Variants in CYFIP2 observed in about 807,000 individuals in gnomAD.
CYFIP2 encodes cytoplasmic FMR1-interacting protein 2.
Under a neutral mutation model 158.7 loss-of-function variants are expected in CYFIP2, and 29 were observed. The observed-to-expected ratio is 0.18, with a 90% CI of 0.14 to 0.25. The LOEUF is 0.25. CYFIP2 is among the 10% of genes least tolerant of loss of function. CYFIP2 has a pLI of 1.00. For missense variants in CYFIP2, 852 were observed against 1,639.5 expected (o/e 0.52, Z 8.29); for synonymous variants, 585 against 617.6 (o/e 0.95, Z 0.78).
In CYFIP2 at chr5:157,379,668, C is replaced by CAAAAAAAAAA. The variant is rs70984468; in HGVS notation, c.3040-2906_3040-2897dup. Among the ~76,000 whole-genome samples, 75 of 73,630 alleles carry CAAAAAAAAAA rather than the reference C, an allele frequency of 1.0e-3. 3 individuals carry two copies. The highest frequency in any genetic ancestry group is 3.4e-3 in the African/African-American group (66 of 19,302). 48.3% of individuals were successfully genotyped at this position (73,630 alleles called of 152,430 possible). A position where few individuals can be genotyped will look rare whatever the true frequency, so the allele number is the denominator to read the frequency against. On this transcript the variant is annotated intron_variant, in intron 26 of 30. Transcript: ENST00000620254. Reference sequence around the variant, plus strand: ...CAGGCAAGGGAGCAAGACCCTGTCTCAAAAAAAAAAAAAAAAAAAAAAAAA... The same window carrying CAAAAAAAAAA: ...CAGGCAAGGGAGCAAGACCCTGTCTCAAAAAAAAAAAAAAAAAAAAAAAAAAAAAAAAAAA...
chr5:157,278,556 AC>A (rs1421305484), intron 1 of CYFIP2, among the ~76,000 whole-genome samples: 3 of 152,224 alleles, frequency 2.0e-5, no homozygotes, highest in East Asian at 3.8e-4. Flanking sequence ...CTTCTCCATA[AC>A]ACAGTGTCCT....
chr5:157,341,045 T>C (rs753855405), intron 22 of CYFIP2, 25 bp from the exon 23 acceptor site: 2 of 1,607,540 alleles, frequency 1.2e-6, no homozygotes, highest in Admixed American at 3.3e-5. Flanking sequence ...ATATTAACTC[T>C]TTCCCATCCC....
intron 22 of CYFIP2, among the ~76,000 whole-genome samples, chr5:157,340,478 C>T (rs573416542): frequency 6.6e-6 from 1 of 152,072 alleles, no homozygotes; most frequent in African/African-American, 2.4e-5. Flanking sequence ...TTTGTAAAGC[C>T]CATGAGCTGA....
At chr5:157,352,350 C>T (rs779523106) in intron 23 of CYFIP2, among the ~76,000 whole-genome samples, 3 of 152,184 alleles carry the variant, frequency 2.0e-5, no homozygotes, top group Non-Finnish European at 4.4e-5. Flanking sequence ...TGCTTTGCTG[C>T]AGCAAGCTGG....
Position 157,392,741 on chromosome 5 carries a change from G to A in CYFIP2, c.3595-92G>A, listed in dbSNP as rs868442262. On this transcript the variant is annotated intron_variant, in intron 30 of 30. Transcript: ENST00000620254. The stretch of plus-strand genomic sequence containing the variant: ...GAAAGTGACATGATCACTGATGCAG[G>A]GGACCCTGGACCTCAGTGACTTCTC... 19 of 1,368,986 alleles carry A rather than the reference G, an allele frequency of 1.4e-5. No individual in the cohort carries two copies. The Middle Eastern group carries it at 1.3e-3, about 94-fold the overall frequency. 84.8% of individuals were successfully genotyped at this position (1,368,986 alleles called of 1,614,324 possible).
At chr5:157,274,712 C>T (rs1334351990) in intron 1 of CYFIP2, among the ~76,000 whole-genome samples, 3 of 152,180 alleles carry the variant, frequency 2.0e-5, no homozygotes, top group Admixed American at 6.5e-5. Context: ...TCAGTTTCTC[C>T]ACATCCTTGC....
At chr5:157,386,945 A>T (rs1183704298) in intron 28 of CYFIP2, among the ~76,000 whole-genome samples, 1 of 151,688 alleles carries the variant, frequency 6.6e-6, no homozygotes, top group Non-Finnish European at 1.5e-5. Flanking sequence ...AAAAAAAAAA[A>T]AAGGATGGTG....
At chr5:157,281,735 A>G (rs1426598572) in intron 1 of CYFIP2, among the ~76,000 whole-genome samples, 1 of 152,202 alleles carries the variant, frequency 6.6e-6, no homozygotes, top group Admixed American at 6.5e-5. Flanking sequence ...AGTATGTAAA[A>G]TGTTTTGACG....
At chr5:157,382,285 C>T (rs560820699) in intron 26 of CYFIP2, among the ~76,000 whole-genome samples, 1 of 152,168 alleles carries the variant, frequency 6.6e-6, no homozygotes, top group Non-Finnish European at 1.5e-5. Context: ...TCAACAAATT[C>T]CTGATAAGAT....
At chr5:157,382,389 A>C (rs1196437747) in intron 26 of CYFIP2, among the ~76,000 whole-genome samples, 1 of 152,234 alleles carries the variant, frequency 6.6e-6, no homozygotes, top group African/African-American at 2.4e-5. Context: ...CCATTAAAAT[A>C]GGTACTGTTC....
At chr5:157,316,839 G>A (rs150793673) in intron 13 of CYFIP2, among the ~76,000 whole-genome samples, 30 of 152,150 alleles carry the variant, frequency 2.0e-4, no homozygotes, top group African/African-American at 7.2e-4. Flanking sequence ...AAATGTAAGA[G>A]ATTAGAGTCG....
At chr5:157,390,477 TC>T in intron 29 of CYFIP2, 43 bp from the exon 30 acceptor site, 2 of 584,316 alleles carry the variant, frequency 3.4e-6, no homozygotes, top group Non-Finnish European at 3.0e-6. Flanking sequence ...CCTGCCCTCC[TC>T]CCCCGACCTC....
chr5:157,363,395 T>G (rs1301500839), intron 26 of CYFIP2: 2 of 152,192 alleles, frequency 1.3e-5, no homozygotes, highest in African/African-American at 2.4e-5. Flanking sequence ...GAGACAGAGT[T>G]TTACCATTTT....
chr5:157,374,347 T>A (rs538255365), intron 26 of CYFIP2, among the ~76,000 whole-genome samples: 1 of 152,306 alleles, frequency 6.6e-6, no homozygotes, highest in South Asian at 2.1e-4. Flanking sequence ...GAATAACGTC[T>A]GCTAGAAAGT....
intron 23 of CYFIP2, chr5:157,343,122 G>A (rs752123536): frequency 3.7e-6 from 6 of 1,614,060 alleles, no homozygotes; most frequent in African/African-American, 2.7e-5. Context: ...TCATGGCAAC[G>A]GACACACCAG....
intron 28 of CYFIP2, chr5:157,384,302 A>C (rs1561788498): frequency 4.4e-6 from 2 of 456,764 alleles, no homozygotes; most frequent in Admixed American, 4.7e-5. Context: ...TCTCCTTTCA[A>C]GTTGATTTCA....
chr5:157,330,652 A>G (rs1262561821), intron 19 of CYFIP2, 90 bp from the exon 20 acceptor site: 5 of 955,686 alleles, frequency 5.2e-6, no homozygotes, highest in Non-Finnish European at 8.3e-6. Context: ...CTCTGTGGGT[A>G]GATCCTATGA....
intron 23 of CYFIP2, among the ~76,000 whole-genome samples, chr5:157,352,232 C>T (rs891530009): frequency 2.0e-5 from 3 of 152,166 alleles, no homozygotes; most frequent in Admixed American, 1.3e-4. Context: ...GCCTGGTTGT[C>T]ACAAGCCCCC....
In CYFIP2 at chr5:157,266,134, C is replaced by A. The variant is rs1393618278; in HGVS notation, c.-85C>A. ...CAGCGGAGCGGGGCAGAGCATCCTG[C>A]GCCCCGGCGCGGGGCCCTGCGGTAG... On this transcript the variant is annotated 5_prime_UTR_variant, in exon 1 of 31. Transcript: ENST00000620254. This position sits in a 1 kb window ranked among gnomAD's most constrained non-coding sequence, Gnocchi z 4.2. 1.3e-5 allele frequency: 2 copies of A among 150,666 alleles called. No individual in the cohort carries two copies. Among genetic ancestry groups the A allele is most frequent in the Non-Finnish European group, 3.0e-5 (2 of 67,418 alleles). 9.3% of individuals were successfully genotyped at this position (150,666 alleles called of 1,614,324 possible). A position where few individuals can be genotyped will look rare whatever the true frequency, so the allele number is the denominator to read the frequency against.
Sources: gnomAD v4.1 joint callset for allele counts (sites outside exome capture counted in the v4.1 genomes callset) on GRCh38, gnomAD v4.1.1 for gene constraint, Gnocchi (gnomAD v3.1) non-coding constraint, MANE v1.5 for transcripts, NCBI Gene and HGNC (gene_info 2026-07-23, HGNC 2026-07-21) for gene names.